METTL2B: variants seen among roughly 807,000 people sequenced by gnomAD.
METTL2B encodes methyltransferase 2B, tRNA N3-cytidine.
Under a neutral mutation model 51.0 loss-of-function variants are expected in METTL2B, and 28 were observed. That is an observed-to-expected ratio of 0.55 (90% confidence interval 0.41 to 0.75). The LOEUF (loss-of-function observed/expected upper bound fraction) is 0.75. METTL2B is among the 30% of genes least tolerant of loss of function. The probability of loss-of-function intolerance (pLI) is 0.00; values close to 1 mark genes in which losing one functional copy is unlikely to be tolerated. For missense variants in METTL2B, 313 were observed against 460.7 expected, an observed-to-expected ratio of 0.68 and a Z score of 2.93; for synonymous variants, 128 against 166.3, an observed-to-expected ratio of 0.77 and a Z score of 1.77.
chr7:128,504,369 T>TTTTTTG lies in METTL2B; in HGVS notation c.*2453_*2454insTTTTTG, dbSNP rs1793082214. ...CCCTGACTTTTTTTTTTTTTTTTTT[T>TTTTTTG]GAGATGGAGTTTCGCTCTTGTTGCC... On this transcript the variant is annotated 3_prime_UTR_variant, in exon 9 of 9. Transcript: ENST00000262432. The TTTTTTG allele has an allele frequency of 7.3e-6, 1 of 136,354 alleles. No homozygotes were observed. The highest frequency in any genetic ancestry group is 7.3e-5 in the Admixed American group (1 of 13,686). The allele number at this position is 136,354 out of a possible 1,614,324, so 8.4% of individuals were successfully genotyped here.
At chr7:128,482,518 A>G (rs1415491835) in intron 4 of METTL2B, among the ~76,000 whole-genome samples, 2 of 151,978 alleles carry the variant, frequency 1.3e-5, no homozygotes, top group Admixed American at 6.6e-5. Flanking sequence ...AACACCAAAT[A>G]TATTTATTAT....
In METTL2B at chr7:128,506,556, A is replaced by G. The variant is rs891195358; in HGVS notation, c.*4640A>G. ...TACATGTGTTGGGAGGGATTAAAGT[A>G]TATGACCTCAGTGCCACTTAAAAAA... On this transcript the variant is annotated 3_prime_UTR_variant, in exon 9 of 9. Coordinates refer to ENST00000262432, the MANE Select transcript of METTL2B (RefSeq NM_018396.3). 2.0e-5 allele frequency: 3 copies of G among 152,220 alleles called. No individual in the cohort carries two copies. Among genetic ancestry groups the G allele is most frequent in the Admixed American group, 6.6e-5 (1 of 15,266 alleles). 9.4% of individuals were successfully genotyped at this position (152,220 alleles called of 1,614,324 possible). A position where few individuals can be genotyped will look rare whatever the true frequency, so the allele number is the denominator to read the frequency against.
At chr7:128,477,447 A>G (rs965970885) in intron 2 of METTL2B, among the ~76,000 whole-genome samples, 2 of 152,148 alleles carry the variant, frequency 1.3e-5, no homozygotes, top group Non-Finnish European at 2.9e-5. Context: ...CCACGTTGAT[A>G]TGGCTAGCCA....
intron 7 of METTL2B, 109 bp from the exon 8 acceptor site, chr7:128,500,794 C>G: frequency 8.0e-7 from 1 of 1,249,398 alleles, no homozygotes; most frequent in South Asian, 1.3e-5. Flanking sequence ...AGCACTGAGG[C>G]AGGAGTGCTC....
chr7:128,492,500 T>TCAA (rs1201172528), intron 5 of METTL2B, among the ~76,000 whole-genome samples: 3 of 152,120 alleles, frequency 2.0e-5, no homozygotes, highest in Non-Finnish European at 4.4e-5. Context: ...CTAGCTGGTC[T>TCAA]CAAACTCCTG....
At position 128,506,043 on chromosome 7, in the gene METTL2B, C is replaced by CTT. The variant is rs1258624502; in HGVS notation, c.*4128_*4129dup. ...GTTTCACCATGTGTCCCAGGCTGGT[C>CTT]TTGAGCTCCTGAGCTCAAGCAATCC... On this transcript the variant is annotated 3_prime_UTR_variant, in exon 9 of 9. Coordinates refer to ENST00000262432, the MANE Select transcript of METTL2B (RefSeq NM_018396.3). 1 of 152,200 alleles carries CTT rather than the reference C, an allele frequency of 6.6e-6. No individual in the cohort carries two copies. Among genetic ancestry groups the CTT allele is most frequent in the East Asian group, 1.9e-4 (1 of 5,184 alleles). The allele number at this position is 152,200 out of a possible 1,614,324, so 9.4% of individuals were successfully genotyped here.
intron 6 of METTL2B, among the ~76,000 whole-genome samples, chr7:128,496,754 C>T (rs1360099301): frequency 4.1e-5 from 5 of 121,518 alleles, no homozygotes; most frequent in Non-Finnish European, 6.9e-5. Flanking sequence ...ACCCCAGCTG[C>T]TTTTTCTTTG....
At position 128,503,477 on chromosome 7, in the gene METTL2B, C is replaced by A. The variant is rs1349343247; in HGVS notation, c.*1561C>A. ...GGAGACAGGGCTCTCACTTTGTTGC[C>A]CAGGCTGGAGTTCAGTGGTGCAATG... On this transcript the variant is annotated 3_prime_UTR_variant, in exon 9 of 9. Transcript: ENST00000262432. The A allele has an allele frequency of 7.1e-6, 1 of 140,072 alleles. No individual in the cohort carries two copies. The highest frequency in any genetic ancestry group is 2.7e-5 in the African/African-American group (1 of 37,200). The allele number at this position is 140,072 out of a possible 1,614,324, so 8.7% of individuals were successfully genotyped here. A position where few individuals can be genotyped will look rare whatever the true frequency, so the allele number is the denominator to read the frequency against.
intron 5 of METTL2B, among the ~76,000 whole-genome samples, chr7:128,488,751 A>G (rs1792766761): frequency 1.3e-5 from 2 of 152,162 alleles, no homozygotes; most frequent in Non-Finnish European, 2.9e-5. Flanking sequence ...CTGGTCTCGA[A>G]TGATAGCTTA....
intron 3 of METTL2B, 22 bp from the exon 4 acceptor site, chr7:128,480,625 A>G: frequency 6.3e-7 from 1 of 1,596,874 alleles, no homozygotes; most frequent in Non-Finnish European, 8.5e-7. Flanking sequence ...TTCTGTGATT[A>G]ATAGTTCATT....
chr7:128,480,769 A>G (rs1299336677), intron 4 of METTL2B, 73 bp downstream of exon 4: 21 of 1,428,874 alleles, frequency 1.5e-5, no homozygotes, highest in Non-Finnish European at 1.9e-5. Flanking sequence ...TTGCTTCACG[A>G]CAGTAATCCC....
At chr7:128,478,441 GGGTTTCACCATGCTGGCCAGGAT>G (rs1386851712) in intron 2 of METTL2B, among the ~76,000 whole-genome samples, 2 of 151,396 alleles carry the variant, frequency 1.3e-5, no homozygotes, top group Non-Finnish European at 2.9e-5. Context: ...GGTACAGATG[GGGTTTCACCATGCTGGCCAGGAT>G]GGTCTCAATC....
chr7:128,488,169 C>T lies in METTL2B; in HGVS notation c.669+8C>T, dbSNP rs754725416. The T allele has an allele frequency of 5.3e-5, 85 of 1,613,008 alleles. No individual in the cohort carries two copies. The highest frequency in any genetic ancestry group is 2.9e-4 in the African/African-American group (22 of 74,812). ...GCTATAGAACTGGTCCAGGTGAGTA[C>T]GATGGGAAATTACCTATTGGTAATT... On this transcript the variant is annotated splice_region_variant and intron_variant, in intron 5 of 8. Transcript: ENST00000262432.
Position 128,505,859 on chromosome 7 carries a change from C to T in METTL2B, c.*3943C>T, listed in dbSNP as rs1489880918. ...TATTTGTTGTTGTTTTTGAGACAGG[C>T]TCACCCAGGCTGGAGTGCAGCAGCA... On this transcript the variant is annotated 3_prime_UTR_variant, in exon 9 of 9. Coordinates refer to ENST00000262432, the MANE Select transcript of METTL2B (RefSeq NM_018396.3). 1 of 152,136 alleles carries T rather than the reference C, an allele frequency of 6.6e-6. No individual in the cohort carries two copies. Among genetic ancestry groups the T allele is most frequent in the Non-Finnish European group, 1.5e-5 (1 of 68,036 alleles). 9.4% of individuals were successfully genotyped at this position (152,136 alleles called of 1,614,324 possible). A position where few individuals can be genotyped will look rare whatever the true frequency, so the allele number is the denominator to read the frequency against.
Position 128,502,577 on chromosome 7 carries a change from G to A in METTL2B, c.*661G>A, listed in dbSNP as rs970100974. The A allele has an allele frequency of 4.4e-6, 2 of 454,068 alleles. No homozygotes were observed. The highest frequency in any genetic ancestry group is 8.8e-6 in the Non-Finnish European group (2 of 226,698). 28.1% of individuals were successfully genotyped at this position (454,068 alleles called of 1,614,324 possible). On this transcript the variant is annotated 3_prime_UTR_variant, in exon 9 of 9. Coordinates refer to ENST00000262432, the MANE Select transcript of METTL2B (RefSeq NM_018396.3). ...GACAGCATCAAAATGTGGTGTTCTT[G>A]TTAAGTAATTGATCGTGGTCTTTGC... is the stretch of plus-strand genomic sequence containing the variant.
At chr7:128,486,020 G>A (rs1185418328) in intron 4 of METTL2B, among the ~76,000 whole-genome samples, 2 of 152,136 alleles carry the variant, frequency 1.3e-5, no homozygotes, top group Non-Finnish European at 2.9e-5. Context: ...CAGGCCGGGC[G>A]TGGTGGCTCA....
rs1488246381 is a variant in METTL2B at position 128,504,104 on chromosome 7, C to T, written c.*2188C>T. On this transcript the variant is annotated 3_prime_UTR_variant, in exon 9 of 9. Transcript: ENST00000262432. ...GAATAGTCCATTTTTTTCTGATGTCCCAACATCAGCAAATATATTACCAAA... is the reference window on the plus strand; with the variant it reads ...GAATAGTCCATTTTTTTCTGATGTCTCAACATCAGCAAATATATTACCAAA... 2 of 152,092 alleles carry T rather than the reference C, an allele frequency of 1.3e-5. No homozygotes were observed. Among genetic ancestry groups the T allele is most frequent in the East Asian group, 3.9e-4 (2 of 5,176 alleles). 9.4% of individuals were successfully genotyped at this position (152,092 alleles called of 1,614,324 possible).
At position 128,488,659 on chromosome 7, in the gene METTL2B, A is replaced by G. The variant is rs1280625645; in HGVS notation, c.669+498A>G. On this transcript the variant is annotated intron_variant, in intron 5 of 8. Transcript: ENST00000262432. Reference sequence around the variant, plus strand: ...AGGTCTCCTTGTTCTCTAAGACACAATATTGCAATTAGGCCACTTCATACT... The same window carrying G: ...AGGTCTCCTTGTTCTCTAAGACACAGTATTGCAATTAGGCCACTTCATACT... 3 of 372,234 alleles carry G rather than the reference A, an allele frequency of 8.1e-6. No homozygotes were observed. In the East Asian group the frequency reaches 2.2e-4, roughly 27 times the overall value. The allele number at this position is 372,234 out of a possible 1,614,324, so 23.1% of individuals were successfully genotyped here. A position where few individuals can be genotyped will look rare whatever the true frequency, so the allele number is the denominator to read the frequency against.
intron 4 of METTL2B, among the ~76,000 whole-genome samples, chr7:128,483,698 C>T (rs763472287): frequency 7.9e-5 from 12 of 151,712 alleles, no homozygotes; most frequent in African/African-American, 1.5e-4. Flanking sequence ...CCCACCACCA[C>T]GCCCAGCTAA....
Sources: allele counts gnomAD v4.1 joint callset (sites outside exome capture counted in the v4.1 genomes callset), GRCh38; gene constraint gnomAD v4.1.1; transcripts MANE v1.5; gene names NCBI Gene and HGNC (gene_info 2026-07-23, HGNC 2026-07-21).